HDAC8: variants seen among roughly 807,000 people sequenced by gnomAD.
HDAC8 encodes histone deacetylase-like 1.
HDAC8 carries 1 observed loss-of-function variant against 32.2 expected under a neutral mutation model. That is an observed-to-expected ratio of 0.03 (90% CI 0.01 to 0.15). HDAC8 has a LOEUF of 0.15. Ranked by LOEUF, HDAC8 falls within the 10% of genes least tolerant of loss-of-function variation. The probability of loss-of-function intolerance (pLI) is 1.00; values close to 1 mark genes in which losing one functional copy is unlikely to be tolerated. For synonymous variants in HDAC8, 108 were observed against 113.9 expected (o/e 0.95, Z 0.33); for missense variants, 117 against 300.0 (o/e 0.39, Z 4.51).
chrX:72,409,085 G>C (rs1265260032), intron 9 of HDAC8, among the ~76,000 whole-genome samples: 2 of 112,054 alleles, frequency 1.8e-5, no homozygotes, highest in African/African-American at 6.5e-5. Context: ...GTATATTCGT[G>C]ACTCAAACTC....
intron 4 of HDAC8, among the ~76,000 whole-genome samples, chrX:72,507,977 C>T (rs2049447234): frequency 2.7e-5 from 3 of 111,740 alleles, no homozygotes; most frequent in South Asian, 3.8e-4. Context: ...GCTTTGATCA[C>T]GACATCAAGA....
intron 9 of HDAC8, among the ~76,000 whole-genome samples, chrX:72,357,907 T>G (rs2044419985): frequency 9.0e-6 from 1 of 110,895 alleles, no homozygotes; most frequent in African/African-American, 3.3e-5. Flanking sequence ...TTCTTTTCTT[T>G]CTTTCTTTTT....
intron 4 of HDAC8, among the ~76,000 whole-genome samples, chrX:72,553,715 G>A (rs1351917133): frequency 2.7e-5 from 3 of 111,829 alleles, no homozygotes; most frequent in Admixed American, 9.5e-5. Flanking sequence ...ACCCGCAGAT[G>A]ATAAAAGTCA....
intron 7 of HDAC8, 96 bp downstream of exon 7, chrX:72,488,837 C>T: frequency 2.0e-6 from 1 of 503,904 alleles, no homozygotes; most frequent in Non-Finnish European, 3.3e-6. Context: ...TAGATGTTTT[C>T]TTTTTTACAT....
At chrX:72,441,869 C>T (rs1458091879) in intron 9 of HDAC8, among the ~76,000 whole-genome samples, 6 of 111,580 alleles carry the variant, frequency 5.4e-5, no homozygotes, top group Admixed American at 9.5e-5. Context: ...AGCCAAGGCT[C>T]GAGAACTATG....
At chrX:72,338,587 C>G (rs1423251487) in intron 10 of HDAC8, among the ~76,000 whole-genome samples, 1 of 103,555 alleles carries the variant, frequency 9.7e-6, no homozygotes, top group African/African-American at 3.5e-5. Flanking sequence ...ATATGAGTAC[C>G]TCTTTTAGGA....
chrX:72,474,385 T>A (rs2148072161), intron 7 of HDAC8: 1 of 888,872 alleles, frequency 1.1e-6, no homozygotes, highest in East Asian at 6.0e-5. Flanking sequence ...TAAATAGTCA[T>A]TAAATGAATA....
intron 9 of HDAC8, among the ~76,000 whole-genome samples, chrX:72,406,877 T>C (rs888167834): frequency 3.6e-5 from 4 of 112,188 alleles, no homozygotes; most frequent in Admixed American, 9.4e-5. Context: ...AGTGTAGATA[T>C]GGAACAGTTC....
At chrX:72,460,809 A>G (rs1602960801) in intron 9 of HDAC8, among the ~76,000 whole-genome samples, 1 of 112,132 alleles carries the variant, frequency 8.9e-6, no homozygotes, top group East Asian at 2.8e-4. Flanking sequence ...TCCCACAGCA[A>G]TAACAGCGAT....
intron 9 of HDAC8, among the ~76,000 whole-genome samples, chrX:72,372,332 CACTTT>C (rs1223601761): frequency 2.7e-5 from 3 of 111,075 alleles, no homozygotes; most frequent in Admixed American, 1.9e-4. Flanking sequence ...TCTACTACAG[CACTTT>C]TCACTGTGGA....
intron 6 of HDAC8, among the ~76,000 whole-genome samples, chrX:72,489,982 G>A (rs2048808739): frequency 8.9e-6 from 1 of 111,850 alleles, no homozygotes; most frequent in Non-Finnish European, 1.9e-5. Flanking sequence ...CATTTATGCA[G>A]CCAAAAAACA....
At chrX:72,396,865 C>A (rs2045777781) in intron 9 of HDAC8, among the ~76,000 whole-genome samples, 1 of 111,513 alleles carries the variant, frequency 9.0e-6, no homozygotes. Context: ...ACAACAACAA[C>A]AATAATGTAC....
At chrX:72,438,190 C>A (rs781833060) in intron 9 of HDAC8, among the ~76,000 whole-genome samples, 2 of 112,085 alleles carry the variant, frequency 1.8e-5, no homozygotes, top group Non-Finnish European at 3.8e-5. Flanking sequence ...GCTGGTGATA[C>A]CCAGGCAAAC....
intron 9 of HDAC8, among the ~76,000 whole-genome samples, chrX:72,448,926 A>C (rs111786219): frequency 6.2e-5 from 7 of 112,269 alleles, no homozygotes; most frequent in African/African-American, 2.3e-4. Flanking sequence ...GTCAGGAAAC[A>C]ACAGATGCTG....
At chrX:72,434,114 C>T (rs1324656299) in intron 9 of HDAC8, among the ~76,000 whole-genome samples, 1 of 111,906 alleles carries the variant, frequency 8.9e-6, no homozygotes, top group East Asian at 2.8e-4. Flanking sequence ...CCGGACCCTG[C>T]TGAAAGTAAG....
At chrX:72,466,136 G>A (rs2048010430) in intron 7 of HDAC8, among the ~76,000 whole-genome samples, 1 of 111,496 alleles carries the variant, frequency 9.0e-6, no homozygotes, top group Non-Finnish European at 1.9e-5. Context: ...AGCTGCTGCT[G>A]GGAGATACAG....
chrX:72,386,883 C>G (rs1193998227), intron 9 of HDAC8, among the ~76,000 whole-genome samples: 2 of 111,663 alleles, frequency 1.8e-5, no homozygotes, highest in African/African-American at 6.5e-5. Context: ...TGAGGGAATG[C>G]GAAGTGGAGG....
intron 9 of HDAC8, among the ~76,000 whole-genome samples, chrX:72,424,916 A>G (rs1473524534): frequency 8.9e-6 from 1 of 112,357 alleles, no homozygotes; most frequent in Non-Finnish European, 1.9e-5. Context: ...AGGCTGAATA[A>G]TATTTCCTTA....
intron 9 of HDAC8, among the ~76,000 whole-genome samples, chrX:72,392,827 G>A (rs2045648408): frequency 8.9e-6 from 1 of 111,873 alleles, no homozygotes; most frequent in East Asian, 2.8e-4. Context: ...CACCTATCTT[G>A]TAGTTCTTCA....
Sources: allele counts gnomAD v4.1 joint callset (sites outside exome capture counted in the v4.1 genomes callset), GRCh38; gene constraint gnomAD v4.1.1; transcripts MANE v1.5; gene names NCBI Gene and HGNC (gene_info 2026-07-23, HGNC 2026-07-21).